SGMS1: variants seen among roughly 807,000 people sequenced by gnomAD.
SGMS1 encodes the protein phosphatidylcholine:ceramide cholinephosphotransferase 1.
A neutral mutation model predicts 46.2 loss-of-function variants in SGMS1; 13 were observed. That is an observed-to-expected ratio of 0.28 (90% CI 0.18 to 0.45). The LOEUF (loss-of-function observed/expected upper bound fraction) is 0.45. Ranked by LOEUF, SGMS1 falls within the 20% of genes least tolerant of loss-of-function variation. SGMS1 has a pLI of 1.00. For synonymous variants in SGMS1, 203 were observed against 187.8 expected, an observed-to-expected ratio of 1.08 and a Z score of -0.66; for missense variants, 324 against 519.9, an observed-to-expected ratio of 0.62 and a Z score of 3.66.
At chr10:50,329,577 A>G (rs1847584559) in intron 7 of SGMS1, among the ~76,000 whole-genome samples, 2 of 152,256 alleles carry the variant, frequency 1.3e-5, no homozygotes, top group Non-Finnish European at 2.9e-5. Flanking sequence ...AAGAAATTGT[A>G]TGCACTTCTG....
chr10:50,624,639 C>G, upstream of SGMS1: 2 of 985,466 alleles, frequency 2.0e-6, no homozygotes, highest in Non-Finnish European at 2.4e-6. Context: ...GCGGCGAAAA[C>G]CCGGAGAGCG....
At chr10:50,560,299 T>A (rs1032798241) in intron 2 of SGMS1, among the ~76,000 whole-genome samples, 1 of 140,232 alleles carries the variant, frequency 7.1e-6, no homozygotes, top group East Asian at 2.0e-4. Flanking sequence ...TTATAATATA[T>A]GCATATATTA....
chr10:50,600,044 A>G (rs1450378071), intron 1 of SGMS1, among the ~76,000 whole-genome samples: 4 of 152,146 alleles, frequency 2.6e-5, no homozygotes, highest in Non-Finnish European at 5.9e-5. Context: ...GCTTCAAGCT[A>G]TTTCAGCCAA....
At chr10:50,620,296 A>C (rs1838837389) in intron 1 of SGMS1, among the ~76,000 whole-genome samples, 1 of 152,242 alleles carries the variant, frequency 6.6e-6, no homozygotes, top group Non-Finnish European at 1.5e-5. Context: ...AGAGAGGAGA[A>C]ATAGCCATTT....
intron 2 of SGMS1, among the ~76,000 whole-genome samples, chr10:50,521,236 A>G (rs923077093): frequency 4.4e-4 from 67 of 152,300 alleles, no homozygotes; most frequent in African/African-American, 1.6e-3. Flanking sequence ...AATAGTACAA[A>G]AGTATCCAGG....
intron 3 of SGMS1, among the ~76,000 whole-genome samples, chr10:50,480,650 G>A (rs1588847859): frequency 6.6e-6 from 1 of 151,982 alleles, no homozygotes; most frequent in Admixed American, 6.6e-5. Context: ...AGATACCCTC[G>A]TGAGCCCATA....
intron 2 of SGMS1, among the ~76,000 whole-genome samples, chr10:50,528,515 C>A (rs776461742): frequency 1.9e-4 from 29 of 152,214 alleles, no homozygotes; most frequent in Non-Finnish European, 5.9e-5. Flanking sequence ...CATAGCCATT[C>A]CACAAAGCAT....
intron 6 of SGMS1, among the ~76,000 whole-genome samples, chr10:50,366,229 A>T (rs1330781516): frequency 6.6e-6 from 1 of 152,242 alleles, no homozygotes; most frequent in Non-Finnish European, 1.5e-5. Flanking sequence ...AAACAAATTT[A>T]TAAGAAAAAA....
At chr10:50,603,867 T>C (rs1838670836) in intron 1 of SGMS1, among the ~76,000 whole-genome samples, 1 of 152,202 alleles carries the variant, frequency 6.6e-6, no homozygotes, top group Non-Finnish European at 1.5e-5. Flanking sequence ...CAGGACAAGC[T>C]AGAGCATACA....
At chr10:50,387,640 T>G (rs1388025739) in intron 6 of SGMS1, among the ~76,000 whole-genome samples, 3 of 152,076 alleles carry the variant, frequency 2.0e-5, no homozygotes, top group Non-Finnish European at 4.4e-5. Context: ...CAAATCTAAT[T>G]GTCAAATGAA....
chr10:50,347,789 T>A (rs546502041), intron 6 of SGMS1, among the ~76,000 whole-genome samples: 8 of 152,286 alleles, frequency 5.3e-5, no homozygotes, highest in African/African-American at 1.9e-4. Context: ...CAAAGTGTTA[T>A]TTCAGTCCTC....
At chr10:50,377,418 T>C (rs940896840) in intron 6 of SGMS1, among the ~76,000 whole-genome samples, 4 of 152,204 alleles carry the variant, frequency 2.6e-5, no homozygotes, top group Non-Finnish European at 5.9e-5. Flanking sequence ...CATCTCTCAA[T>C]ACTGTTACAC....
chr10:50,474,163 A>C (rs1370036383), intron 3 of SGMS1: 1 of 152,228 alleles, frequency 6.6e-6, no homozygotes, highest in East Asian at 1.9e-4. Context: ...GGTTTTTGCA[A>C]CCAAAAGACA....
intron 3 of SGMS1, among the ~76,000 whole-genome samples, chr10:50,504,915 T>C (rs959657772): frequency 1.3e-5 from 2 of 152,102 alleles, no homozygotes; most frequent in Non-Finnish European, 2.9e-5. Context: ...AGTAAAAAGA[T>C]ACAATAAAAA....
At position 50,452,101 on chromosome 10, in the gene SGMS1, T is replaced by C. The variant is rs186454742; in HGVS notation, c.-313+8572A>G. ...AGAGCATTACTTAGGAATCAAATCC[T>C]ACTTAGAAGGGTAAAATATACATAG... On this transcript the variant is annotated intron_variant, in intron 5 of 10. Coordinates refer to ENST00000361781, the MANE Select transcript of SGMS1 (RefSeq NM_147156.4). Among the ~76,000 whole-genome samples the C allele has an allele frequency of 4.4e-4, 67 of 152,304 alleles. No homozygotes were observed. The East Asian group carries it at 6.2e-3, about 14-fold the overall frequency.
At chr10:50,587,077 A>T (rs1838491096) in intron 2 of SGMS1, among the ~76,000 whole-genome samples, 4 of 152,218 alleles carry the variant, frequency 2.6e-5, no homozygotes, top group Admixed American at 2.0e-4. Flanking sequence ...ACACACACAC[A>T]AAGAAAAGAC....
intron 4 of SGMS1, among the ~76,000 whole-genome samples, chr10:50,462,104 G>C (rs1588840472): frequency 6.7e-6 from 1 of 150,366 alleles, no homozygotes; most frequent in East Asian, 1.9e-4. Context: ...TCTACAAAAA[G>C]AAAAAAAAAT....
chr10:50,463,778 C>T (rs1485128993), intron 4 of SGMS1, among the ~76,000 whole-genome samples: 1 of 152,156 alleles, frequency 6.6e-6, no homozygotes, highest in Admixed American at 6.5e-5. Flanking sequence ...GCAACCCACA[C>T]ATCCAATGGC....
chr10:50,579,612 G>C (rs1274257986), intron 2 of SGMS1, among the ~76,000 whole-genome samples: 16 of 152,164 alleles, frequency 1.1e-4, no homozygotes. Context: ...CTGAAGCTCA[G>C]TGATTTCTAA....
Sources: gnomAD v4.1 joint callset for allele counts (sites outside exome capture counted in the v4.1 genomes callset) on GRCh38, gnomAD v4.1.1 for gene constraint, MANE v1.5 for transcripts, NCBI Gene and HGNC (gene_info 2026-07-23, HGNC 2026-07-21) for gene names.